The following ANO3 variants were observed in gnomAD, a reference collection of about 807,000 sequenced individuals.
The protein encoded by ANO3 is anoctamin 3, also known as anoctamin-3.
In ANO3, 99 loss-of-function variants were observed where a neutral mutation model predicts 144.8. The observed-to-expected ratio is 0.68, with a 90% CI of 0.58 to 0.81. ANO3 has a LOEUF of 0.81. Among genes scored for constraint, ANO3 ranks in the 30% least tolerant of loss-of-function variants. ANO3 has a pLI of 0.00. For synonymous variants in ANO3, 414 were observed against 392.6 expected (o/e 1.05, Z -0.64); for missense variants, 905 against 1,202.2 (o/e 0.75, Z 3.66).
chr11:26,221,420 C>T (rs181485248), intron 1 of ANO3, among the ~76,000 whole-genome samples: 3 of 152,292 alleles, frequency 2.0e-5, no homozygotes, highest in Non-Finnish European at 4.4e-5. Context: ...TCCAACAGAT[C>T]ATCAGGTTAC....
chr11:26,277,721 T>G (rs1474307430), intron 1 of ANO3, among the ~76,000 whole-genome samples: 1 of 151,988 alleles, frequency 6.6e-6, no homozygotes, highest in African/African-American at 2.4e-5. Context: ...ATAATAATTT[T>G]TTCTTGGCTT....
rs559432371 is a variant in ANO3 at position 26,247,285 on chromosome 11, T to C, written c.154+57955T>C. ...ATTATGTGAGGTATGAATACAGTAC[T>C]ATCTTTTTTTCCAAGCGTGACCTAG... On this transcript the variant is annotated intron_variant, in intron 1 of 27. Transcript: ENST00000672621. Among the ~76,000 whole-genome samples the C allele has an allele frequency of 1.2e-3, 176 of 152,336 alleles. 1 individual carries two copies. Among genetic ancestry groups the C allele is most frequent in the African/African-American group, 4.2e-3 (175 of 41,580 alleles).
At chr11:26,652,382 A>C (rs1431660771) in intron 24 of ANO3, among the ~76,000 whole-genome samples, 1 of 152,078 alleles carries the variant, frequency 6.6e-6, no homozygotes, top group African/African-American at 2.4e-5. Context: ...ATTAGAAAAG[A>C]TCTTCCACAG....
intron 1 of ANO3, among the ~76,000 whole-genome samples, chr11:26,221,710 G>GATGT (rs57305554): frequency 0.11 from 16,772 of 152,186 alleles, 1,891 homozygotes; most frequent in African/African-American, 0.29. Flanking sequence ...AATCATGTCA[G>GATGT]AAGGTGATGC....
rs1853695451 is a variant in ANO3 at position 26,656,556 on chromosome 11, A to G, written c.2763+75A>G. On this transcript the variant is annotated intron_variant, in intron 26 of 26. Coordinates refer to ENST00000256737, the MANE Select transcript of ANO3 (RefSeq NM_031418.4). ...ATGATTTATCAGTTGCCTCTTTGAA[A>G]TCAGTTCCTCAGACTTCCATAAAAA... is the stretch of plus-strand genomic sequence containing the variant. The G allele has an allele frequency of 6.1e-6, 6 of 983,186 alleles. No homozygotes were observed. In the South Asian group the frequency reaches 6.9e-5, roughly 11 times the overall value. The allele number at this position is 983,186 out of a possible 1,614,324, so 60.9% of individuals were successfully genotyped here. A position where few individuals can be genotyped will look rare whatever the true frequency, so the allele number is the denominator to read the frequency against.
chr11:26,628,700 T>G (rs1338189672), intron 18 of ANO3, among the ~76,000 whole-genome samples: 1 of 152,192 alleles, frequency 6.6e-6, no homozygotes, highest in Admixed American at 6.5e-5. Context: ...ACTTAGTAGC[T>G]CAGGACAACA....
intron 4 of ANO3, among the ~76,000 whole-genome samples, chr11:26,506,136 G>C (rs966333341): frequency 1.3e-5 from 2 of 152,004 alleles, no homozygotes; most frequent in African/African-American, 4.8e-5. Context: ...TGTGCCTTCT[G>C]TGGCAAAAAA....
At chr11:26,490,905 G>A (rs754906082) in intron 4 of ANO3, among the ~76,000 whole-genome samples, 8 of 152,164 alleles carry the variant, frequency 5.3e-5, no homozygotes, top group Admixed American at 2.0e-4. Flanking sequence ...GCCTGTTGCC[G>A]AATCTGTTTG....
At chr11:26,364,295 T>C (rs1856004436) in intron 1 of ANO3, among the ~76,000 whole-genome samples, 3 of 152,152 alleles carry the variant, frequency 2.0e-5, no homozygotes, top group African/African-American at 7.2e-5. Flanking sequence ...AACATGGGGA[T>C]CAGACCTACT....
intron 17 of ANO3, among the ~76,000 whole-genome samples, chr11:26,619,918 T>A (rs985288615): frequency 6.6e-6 from 1 of 152,244 alleles, no homozygotes; most frequent in Admixed American, 6.5e-5. Context: ...AGAGCTAAGG[T>A]AATTTTGATG....
intron 21 of ANO3, among the ~76,000 whole-genome samples, chr11:26,639,950 T>A (rs968499590): frequency 6.6e-6 from 1 of 152,226 alleles, no homozygotes; most frequent in Admixed American, 6.5e-5. Flanking sequence ...TCCTGACTAT[T>A]GGGGAAGAAC....
At chr11:26,590,527 G>C (rs769998447) in intron 14 of ANO3, among the ~76,000 whole-genome samples, 2 of 152,174 alleles carry the variant, frequency 1.3e-5, no homozygotes, top group South Asian at 2.1e-4. Flanking sequence ...CAAGACTTTT[G>C]TTCTCTGACC....
At chr11:26,422,376 C>A (rs981997634) in intron 1 of ANO3, among the ~76,000 whole-genome samples, 1 of 152,002 alleles carries the variant, frequency 6.6e-6, no homozygotes. Flanking sequence ...CTCCTTGGAG[C>A]AATGTCAGTT....
intron 1 of ANO3, among the ~76,000 whole-genome samples, chr11:26,375,512 A>G (rs771606707): frequency 4.6e-5 from 7 of 152,224 alleles, no homozygotes; most frequent in Non-Finnish European, 8.8e-5. Context: ...GAATGTTTAC[A>G]AGCCAGAATG....
Position 26,598,441 on chromosome 11 carries a change from A to C in ANO3, c.1524A>C (p.Glu508Asp), listed in dbSNP as rs1281264629. The C allele has an allele frequency of 3.2e-6, 5 of 1,582,346 alleles. No homozygotes were observed. Among genetic ancestry groups the C allele is most frequent in the Non-Finnish European group, 4.3e-6 (5 of 1,163,698 alleles). Residue 508 changes from glutamate (E) to aspartate (D), a missense_variant, in exon 15 of 27, where the codon GAA becomes GAC. Coordinates refer to ENST00000256737, the MANE Select transcript of ANO3 (RefSeq NM_031418.4). ...CTTGGGACCTTATCGAATGGGAAGA[A>C]GAGGAGGTAAGATGTTAGGATACAA... Reference protein sequence around the residue: ...TYTWDLIEWEEEEETLRPQFE... With the variant: ...TYTWDLIEWEDEEETLRPQFE...
intron 1 of ANO3, among the ~76,000 whole-genome samples, chr11:26,428,594 C>G (rs1188573821): frequency 1.3e-5 from 2 of 152,114 alleles, no homozygotes; most frequent in African/African-American, 2.4e-5. Flanking sequence ...TAGTTTTCAT[C>G]ATGTTAGAAC....
intron 6 of ANO3, among the ~76,000 whole-genome samples, chr11:26,518,594 T>C: frequency 6.6e-6 from 1 of 152,006 alleles, no homozygotes; most frequent in East Asian, 1.9e-4. Flanking sequence ...AGTTGAAACA[T>C]GTATAAAAAT....
chr11:26,318,269 A>T (rs372150267), intron 1 of ANO3, among the ~76,000 whole-genome samples: 22 of 152,196 alleles, frequency 1.4e-4, no homozygotes, highest in African/African-American at 5.3e-4. Flanking sequence ...AAAAATGTAT[A>T]TTAAGCCTCA....
At chr11:26,391,577 G>A (rs1018011136) in intron 1 of ANO3, among the ~76,000 whole-genome samples, 20 of 151,894 alleles carry the variant, frequency 1.3e-4, no homozygotes, top group Middle Eastern at 3.2e-3. Context: ...TCTAGTTTTG[G>A]CAATGGTTTG....
Sources: gnomAD v4.1 joint callset for allele counts (sites outside exome capture counted in the v4.1 genomes callset) on GRCh38, gnomAD v4.1.1 for gene constraint, MANE v1.5 for transcripts, NCBI Gene and HGNC (gene_info 2026-07-23, HGNC 2026-07-21) for gene names.